ELMO1: variants seen among roughly 807,000 people sequenced by gnomAD.
ELMO1 encodes the protein engulfment and cell motility protein 1.
In ELMO1, 26 loss-of-function variants were observed where a neutral mutation model predicts 98.9. The ratio of observed to expected loss-of-function variants is 0.26; its 90% CI spans 0.19 to 0.36. The LOEUF (loss-of-function observed/expected upper bound fraction) is 0.36. Ranked by LOEUF, ELMO1 falls within the 10% of genes least tolerant of loss-of-function variation. The pLI is 1.00. For synonymous variants in ELMO1, 346 were observed against 346.0 expected (o/e 1.00, Z 0.00); for missense variants, 627 against 935.2 (o/e 0.67, Z 4.30).
At chr7:37,105,545 C>T (rs1784895931) in intron 14 of ELMO1, among the ~76,000 whole-genome samples, 1 of 152,192 alleles carries the variant, frequency 6.6e-6, no homozygotes, top group East Asian at 1.9e-4. Flanking sequence ...TTGCTGGACT[C>T]CACCCCCAGA....
At chr7:37,056,999 A>C (rs1037112953) in intron 15 of ELMO1, among the ~76,000 whole-genome samples, 2 of 152,216 alleles carry the variant, frequency 1.3e-5, no homozygotes, top group Non-Finnish European at 2.9e-5. Flanking sequence ...GTCCAACACA[A>C]GATAAGTACT....
chr7:36,989,107 C>T (rs569607466), intron 16 of ELMO1, among the ~76,000 whole-genome samples: 80 of 152,280 alleles, frequency 5.3e-4, no homozygotes, highest in African/African-American at 1.9e-3. Context: ...ATTAATAATT[C>T]AGGAATTAAC....
upstream of ELMO1, chr7:37,449,002 GA>G (rs1805786424): frequency 6.6e-6 from 1 of 152,240 alleles, no homozygotes; most frequent in Non-Finnish European, 1.5e-5. Flanking sequence ...GGACGCTGCG[GA>G]GTTGCAGCCG....
chr7:37,191,314 C>T (rs1406270225), intron 13 of ELMO1, among the ~76,000 whole-genome samples: 1 of 151,260 alleles, frequency 6.6e-6, no homozygotes, highest in Admixed American at 6.6e-5. Flanking sequence ...TTCTGATTAC[C>T]TACATTTCTG....
chr7:37,135,391 G>C (rs1448940421), intron 13 of ELMO1, among the ~76,000 whole-genome samples: 3 of 152,168 alleles, frequency 2.0e-5, no homozygotes, highest in Non-Finnish European at 1.5e-5. Flanking sequence ...ACCCTTTGAA[G>C]GAACTGGATC....
At chr7:37,027,887 A>G (rs114641235) in intron 15 of ELMO1, among the ~76,000 whole-genome samples, 2,911 of 152,294 alleles carry the variant, frequency 0.019, 32 homozygotes, top group Middle Eastern at 0.041. Context: ...TAAATATCAA[A>G]CCAGTAACAG....
At chr7:37,149,689 GC>G (rs1422234403) in intron 13 of ELMO1, among the ~76,000 whole-genome samples, 1 of 152,082 alleles carries the variant, frequency 6.6e-6, no homozygotes, top group Admixed American at 6.5e-5. Flanking sequence ...TTACTACCTG[GC>G]CCTTTATGGG....
intron 4 of ELMO1, among the ~76,000 whole-genome samples, chr7:37,305,917 G>T (rs1481594239): frequency 6.6e-6 from 1 of 152,158 alleles, no homozygotes; most frequent in East Asian, 1.9e-4. Context: ...ATACCTGAGA[G>T]AAAAAGAACT....
intron 14 of ELMO1, among the ~76,000 whole-genome samples, chr7:37,119,396 C>A (rs1038840993): frequency 6.6e-6 from 1 of 152,162 alleles, no homozygotes; most frequent in African/African-American, 2.4e-5. Context: ...GCTTTTCTCA[C>A]GCTAGGTAAT....
chr7:37,379,062 C>T (rs1175843370), intron 1 of ELMO1, among the ~76,000 whole-genome samples: 5 of 151,000 alleles, frequency 3.3e-5, no homozygotes, highest in East Asian at 3.9e-4. Flanking sequence ...TTTTTTTAGA[C>T]GGAGTCTAGC....
chr7:37,256,036 G>A (rs1795625193), intron 6 of ELMO1, among the ~76,000 whole-genome samples: 1 of 152,104 alleles, frequency 6.6e-6, no homozygotes, highest in East Asian at 1.9e-4. Context: ...TTCCAGACCA[G>A]CTTCCAGCCT....
chr7:37,327,019 A>G (rs1583556761), intron 2 of ELMO1, among the ~76,000 whole-genome samples: 1 of 152,324 alleles, frequency 6.6e-6, no homozygotes, highest in Admixed American at 6.5e-5. Context: ...GTTGCTATGG[A>G]TATCAAGAAC....
chr7:36,921,059 A>G (rs1785111194), intron 16 of ELMO1, among the ~76,000 whole-genome samples: 1 of 152,208 alleles, frequency 6.6e-6, no homozygotes, highest in Non-Finnish European at 1.5e-5. Flanking sequence ...AGTCCCTTCC[A>G]CCATGTGAGG....
intron 16 of ELMO1, among the ~76,000 whole-genome samples, chr7:36,988,707 A>G (rs1263265160): frequency 6.6e-6 from 1 of 152,158 alleles, no homozygotes; most frequent in Non-Finnish European, 1.5e-5. Context: ...ACCCAAACAA[A>G]ACACATGTGT....
At chr7:36,916,338 T>C (rs1192147107) in intron 16 of ELMO1, among the ~76,000 whole-genome samples, 1 of 152,266 alleles carries the variant, frequency 6.6e-6, no homozygotes, top group Non-Finnish European at 1.5e-5. Context: ...ACTCCTGAGA[T>C]GCAGCCTTTC....
intron 2 of ELMO1, among the ~76,000 whole-genome samples, chr7:37,321,476 G>A (rs549059050): frequency 6.6e-6 from 1 of 152,082 alleles, no homozygotes; most frequent in South Asian, 2.1e-4. Flanking sequence ...CCAGCACTTT[G>A]GGAGGCCAAG....
intron 7 of ELMO1, among the ~76,000 whole-genome samples, chr7:37,236,762 C>T (rs953010571): frequency 6.6e-6 from 1 of 151,978 alleles, no homozygotes; most frequent in Non-Finnish European, 1.5e-5. Flanking sequence ...TATTACATTC[C>T]AAATCAAGGG....
intron 1 of ELMO1, among the ~76,000 whole-genome samples, chr7:37,384,199 T>G (rs1802697385): frequency 6.6e-6 from 1 of 152,170 alleles, no homozygotes; most frequent in Non-Finnish European, 1.5e-5. Context: ...TCTATTTTAG[T>G]CATACCTATT....
chr7:37,064,392 G>C (rs1364640503), intron 15 of ELMO1, among the ~76,000 whole-genome samples: 1 of 152,110 alleles, frequency 6.6e-6, no homozygotes, highest in Non-Finnish European at 1.5e-5. Flanking sequence ...GAAACTGCAG[G>C]GACTATGTAT....
Sources: gnomAD v4.1 joint callset for allele counts (sites outside exome capture counted in the v4.1 genomes callset) on GRCh38, gnomAD v4.1.1 for gene constraint, MANE v1.5 for transcripts, NCBI Gene and HGNC (gene_info 2026-07-23, HGNC 2026-07-21) for gene names.